Variants in HECW1 observed in about 807,000 individuals in gnomAD.
HECW1 encodes the protein E3 ubiquitin-protein ligase HECW1.
In HECW1, 61 loss-of-function variants were observed where a neutral mutation model predicts 182.3. The observed-to-expected ratio is 0.33, with a 90% CI of 0.27 to 0.41. HECW1 has a LOEUF of 0.41. Ranked by LOEUF, HECW1 falls within the 10% of genes least tolerant of loss-of-function variation. The probability of loss-of-function intolerance (pLI) is 1.00; values close to 1 mark genes in which losing one functional copy is unlikely to be tolerated. For synonymous variants in HECW1, 859 were observed against 832.6 expected (o/e 1.03, Z -0.55); for missense variants, 1,739 against 2,108.9 (o/e 0.82, Z 3.44).
At chr7:43,329,102 T>A (rs1259732641) in intron 5 of HECW1, among the ~76,000 whole-genome samples, 1 of 151,960 alleles carries the variant, frequency 6.6e-6, no homozygotes, top group African/African-American at 2.4e-5. Context: ...AGCCTGACCT[T>A]GGGGCAAAGA....
intron 8 of HECW1, among the ~76,000 whole-genome samples, chr7:43,428,687 A>C (rs989337829): frequency 3.3e-5 from 5 of 152,230 alleles, no homozygotes; most frequent in African/African-American, 7.2e-5. Flanking sequence ...TTATCAACAA[A>C]GCACGTGCAG....
Position 43,184,115 on chromosome 7 carries a change from G to A in HECW1, c.-31-59760G>A, listed in dbSNP as rs1793137579. The stretch of plus-strand genomic sequence containing the variant: ...TGCAAGCTCCACCTCCTGAGTTCAC[G>A]CCATTCTCCTGCCTCAGCCTCCTGA... On this transcript the variant is annotated intron_variant, in intron 2 of 29. Transcript: ENST00000395891. 2.6e-5 allele frequency among the ~76,000 whole-genome samples: 4 copies of A among 152,196 alleles called. No individual in the cohort carries two copies. In the South Asian group the frequency reaches 6.2e-4, roughly 24 times the overall value.
At chr7:43,183,910 TTAATC>T (rs1216450489) in intron 2 of HECW1, among the ~76,000 whole-genome samples, 3 of 152,352 alleles carry the variant, frequency 2.0e-5, no homozygotes, top group South Asian at 4.1e-4. Flanking sequence ...ACTTTTAAGT[TTAATC>T]TATGCTATTA....
chr7:43,531,856 C>G (rs934919820), intron 24 of HECW1, among the ~76,000 whole-genome samples: 20 of 152,228 alleles, frequency 1.3e-4, no homozygotes, highest in African/African-American at 4.8e-4. Flanking sequence ...CCGAATGCTG[C>G]ATCAATTAAC....
chr7:43,401,914 G>A (rs1305789673), intron 7 of HECW1, among the ~76,000 whole-genome samples: 1 of 151,856 alleles, frequency 6.6e-6, no homozygotes, highest in African/African-American at 2.4e-5. Flanking sequence ...AAGCAGATGA[G>A]CAGAAGAGCA....
At chr7:43,543,230 T>C (rs1437090111) in intron 26 of HECW1, among the ~76,000 whole-genome samples, 1 of 152,224 alleles carries the variant, frequency 6.6e-6, no homozygotes, top group Non-Finnish European at 1.5e-5. Context: ...GTTGTGATAG[T>C]TAAATCAGAA....
At chr7:43,141,643 G>T (rs1434621272) in intron 2 of HECW1, among the ~76,000 whole-genome samples, 1 of 151,988 alleles carries the variant, frequency 6.6e-6, no homozygotes, top group Non-Finnish European at 1.5e-5. Context: ...GGGATTACAG[G>T]CATGCACCAC....
intron 2 of HECW1, among the ~76,000 whole-genome samples, chr7:43,213,250 G>T (rs1441680843): frequency 6.6e-6 from 1 of 151,866 alleles, no homozygotes; most frequent in Non-Finnish European, 1.5e-5. Context: ...ACTGAAGCAG[G>T]ACTGACTTGA....
chr7:43,555,952 T>C (rs2082004199), intron 29 of HECW1, among the ~76,000 whole-genome samples: 1 of 152,248 alleles, frequency 6.6e-6, no homozygotes, highest in Non-Finnish European at 1.5e-5. Context: ...ACATCTTGCT[T>C]TTATTTTAGA....
chr7:43,173,952 G>A (rs570822466), intron 2 of HECW1, among the ~76,000 whole-genome samples: 62 of 151,708 alleles, frequency 4.1e-4, no homozygotes, highest in Admixed American at 1.2e-3. Context: ...GATCCTCCCC[G>A]TCAGCTTCCC....
At chr7:43,502,715 C>T (rs1260876130) in intron 21 of HECW1, among the ~76,000 whole-genome samples, 2 of 152,126 alleles carry the variant, frequency 1.3e-5, no homozygotes, top group Non-Finnish European at 2.9e-5. Context: ...AGATAAAGAG[C>T]TTAGGTCAAA....
intron 2 of HECW1, among the ~76,000 whole-genome samples, chr7:43,176,361 A>G (rs1227264694): frequency 6.6e-6 from 1 of 152,186 alleles, no homozygotes; most frequent in African/African-American, 2.4e-5. Flanking sequence ...TTTTAGGACC[A>G]TTTTCATTAT....
chr7:43,384,265 CAGA>C (rs2074679874), intron 6 of HECW1, among the ~76,000 whole-genome samples: 1 of 152,148 alleles, frequency 6.6e-6, no homozygotes, highest in Admixed American at 6.5e-5. Flanking sequence ...CCTGGAAATG[CAGA>C]AGAAGGTAGG....
At chr7:43,278,026 C>A (rs966218323) in intron 3 of HECW1, among the ~76,000 whole-genome samples, 6 of 152,118 alleles carry the variant, frequency 3.9e-5, no homozygotes, top group Non-Finnish European at 8.8e-5. Context: ...GCTATCCATA[C>A]CCTTCCTGGT....
chr7:43,311,489 G>A, intron 3 of HECW1: 1 of 638,672 alleles, frequency 1.6e-6, no homozygotes, highest in East Asian at 3.0e-5. Flanking sequence ...CTGGTATCAA[G>A]TGGGTTAGAG....
At chr7:43,347,134 T>C (rs1246616263) in intron 5 of HECW1, among the ~76,000 whole-genome samples, 5 of 152,250 alleles carry the variant, frequency 3.3e-5, no homozygotes, top group Non-Finnish European at 7.3e-5. Flanking sequence ...GCTTGGGATG[T>C]GTTTCCATTT....
chr7:43,444,542 A>T lies in HECW1; in HGVS notation c.1370A>T (p.Glu457Val). ...ATCCAGCCTGCCCCCAGTGCAGAAG[A>T]GCTGGCCGAGCAGCTGGACCTGGGT... ...KDIQPAPSAE[E>V]LAEQLDLGEE... Residue 457 changes from glutamate to valine, a missense_variant, in exon 11 of 30, where the codon GAG (glutamate) becomes GTG (valine). Glu to Val is a moderately radical substitution (Grantham distance 121, BLOSUM62 -2). Transcript: ENST00000395891. The surrounding 1 kb of genome is among the most constrained non-coding windows in gnomAD (Gnocchi z 4.3). 6.2e-7 allele frequency: 1 copy of T among 1,611,066 alleles called. No homozygotes were observed. Among genetic ancestry groups the T allele is most frequent in the Non-Finnish European group, 8.5e-7 (1 of 1,178,816 alleles).
chr7:43,457,543 C>T (rs1243009616), intron 13 of HECW1, among the ~76,000 whole-genome samples: 6 of 152,014 alleles, frequency 3.9e-5, no homozygotes, highest in African/African-American at 7.3e-5. Flanking sequence ...GAGGCTGAGG[C>T]GGGTGGATCA....
At chr7:43,144,591 T>C (rs2152636704) in intron 2 of HECW1, among the ~76,000 whole-genome samples, 1 of 152,332 alleles carries the variant, frequency 6.6e-6, no homozygotes, top group South Asian at 2.1e-4. Flanking sequence ...TAATACATTA[T>C]TTTGTTGTTG....
Sources: gnomAD v4.1 joint callset for allele counts (sites outside exome capture counted in the v4.1 genomes callset) on GRCh38, gnomAD v4.1.1 for gene constraint, Gnocchi (gnomAD v3.1) non-coding constraint, MANE v1.5 for transcripts, NCBI Gene and HGNC (gene_info 2026-07-23, HGNC 2026-07-21) for gene names.